MDGA2: variants seen among roughly 807,000 people sequenced by gnomAD.
The protein encoded by MDGA2 is MAM domain-containing glycosylphosphatidylinositol anchor protein 2.
MDGA2 carries 40 observed loss-of-function variants against 117.8 expected under a neutral mutation model. The ratio of observed to expected loss-of-function variants is 0.34; its 90% CI spans 0.26 to 0.44. MDGA2 has a LOEUF of 0.44. MDGA2 is among the 20% of genes least tolerant of loss of function. The pLI, the probability that MDGA2 is intolerant of heterozygous loss-of-function variation, is 1.00. For missense variants in MDGA2, 1,123 were observed against 1,250.6 expected (o/e 0.90, Z 1.54); for synonymous variants, 452 against 439.0 (o/e 1.03, Z -0.37).
intron 1 of MDGA2, among the ~76,000 whole-genome samples, chr14:47,498,445 C>G (rs1238705596): frequency 6.6e-6 from 1 of 151,966 alleles, no homozygotes; most frequent in East Asian, 1.9e-4. Context: ...CATAGAAGAT[C>G]TTGATTTTTG....
At chr14:47,156,945 G>A (rs1295388715) in intron 3 of MDGA2, among the ~76,000 whole-genome samples, 3 of 152,064 alleles carry the variant, frequency 2.0e-5, no homozygotes, top group Admixed American at 1.3e-4. Flanking sequence ...AATAGATAAC[G>A]CTAATTATAT....
intron 1 of MDGA2, among the ~76,000 whole-genome samples, chr14:47,345,737 AC>A (rs1220959596): frequency 6.6e-6 from 1 of 152,160 alleles, no homozygotes; most frequent in Non-Finnish European, 1.5e-5. Flanking sequence ...AAATTAGCTA[AC>A]TGAAATACTA....
rs949921764 is a variant in MDGA2 at position 47,199,280 on chromosome 14, T to A, written c.595+18741A>T. ...TTTTTTAAATAAAGACACATAAAAC[T>A]TGATGTCTAGGTAACTTCCCATCTT... On this transcript the variant is annotated intron_variant, in intron 3 of 16. Transcript: ENST00000399232. Among the ~76,000 whole-genome samples the A allele has an allele frequency of 4.6e-4, 70 of 152,172 alleles. 2 individuals are homozygous for A. The highest frequency in any genetic ancestry group is 1.5e-5 in the Non-Finnish European group (1 of 68,020).
chr14:47,509,786 T>C (rs1030484138), intron 1 of MDGA2, among the ~76,000 whole-genome samples: 2 of 152,228 alleles, frequency 1.3e-5, no homozygotes, highest in African/African-American at 4.8e-5. Flanking sequence ...TATGACTGCC[T>C]CCAATGTTTG....
intron 1 of MDGA2, among the ~76,000 whole-genome samples, chr14:47,420,990 G>A (rs944189041): frequency 3.3e-5 from 5 of 152,014 alleles, no homozygotes. Context: ...CATAAAACCT[G>A]AGAAATATAG....
intron 3 of MDGA2, among the ~76,000 whole-genome samples, chr14:47,158,674 C>G (rs192502731): frequency 3.9e-5 from 6 of 152,114 alleles, no homozygotes; most frequent in Non-Finnish European, 7.3e-5. Context: ...AGGCTGGTCT[C>G]AAACTCCTCA....
intron 1 of MDGA2, among the ~76,000 whole-genome samples, chr14:47,610,747 C>T (rs1170543049): frequency 4.6e-5 from 7 of 151,730 alleles, no homozygotes; most frequent in South Asian, 2.1e-4. Flanking sequence ...TTGTGAAGGA[C>T]GGGGAGAATC....
rs143793245 is a variant in MDGA2 at position 47,449,081 on chromosome 14, T to C, written c.281-147531A>G. Among the ~76,000 whole-genome samples the C allele has an allele frequency of 7.9e-5, 12 of 152,284 alleles. No homozygotes were observed. In the East Asian group the frequency reaches 1.9e-3, roughly 25 times the overall value. ...TCTTAACTCCATTAGATTCTTCAAC[T>C]TTAAAATTAGATGAACAGCCAGGAC... On this transcript the variant is annotated intron_variant, in intron 1 of 16. Coordinates refer to ENST00000399232, the MANE Select transcript of MDGA2 (RefSeq NM_001113498.3).
At chr14:47,289,304 T>TACCCACACACACAC (rs1888795246) in intron 2 of MDGA2, among the ~76,000 whole-genome samples, 1 of 140,512 alleles carries the variant, frequency 7.1e-6, no homozygotes, top group African/African-American at 2.7e-5. Context: ...TTTCTGGACT[T>TACCCACACACACAC]ACACACACAC....
At chr14:47,329,098 A>G (rs112446999) in intron 1 of MDGA2, among the ~76,000 whole-genome samples, 5,487 of 152,186 alleles carry the variant, frequency 0.036, 343 homozygotes, top group African/African-American at 0.13. Context: ...AAATTCAAAT[A>G]TATACATATA....
At chr14:47,503,822 T>C (rs1288221548) in intron 1 of MDGA2, among the ~76,000 whole-genome samples, 1 of 152,224 alleles carries the variant, frequency 6.6e-6, no homozygotes, top group Non-Finnish European at 1.5e-5. Context: ...TTGAGTGGTA[T>C]TGATGTTCAA....
intron 7 of MDGA2, among the ~76,000 whole-genome samples, chr14:47,051,194 A>G (rs574982132): frequency 6.6e-6 from 1 of 151,898 alleles, no homozygotes; most frequent in Non-Finnish European, 1.5e-5. Flanking sequence ...TGAACACAGT[A>G]TATATGCTTC....
intron 5 of MDGA2, among the ~76,000 whole-genome samples, chr14:47,099,622 T>C (rs961009166): frequency 6.6e-6 from 1 of 151,882 alleles, no homozygotes; most frequent in African/African-American, 2.4e-5. Context: ...CATGATTGCA[T>C]TCTCTGAAGT....
At chr14:46,896,394 A>G (rs1158643106) in intron 10 of MDGA2, among the ~76,000 whole-genome samples, 1 of 152,164 alleles carries the variant, frequency 6.6e-6, no homozygotes. Flanking sequence ...TACACTTTGG[A>G]TTTAAAATGT....
At chr14:47,484,192 C>G (rs1037406666) in intron 1 of MDGA2, among the ~76,000 whole-genome samples, 2 of 151,712 alleles carry the variant, frequency 1.3e-5, no homozygotes, top group Non-Finnish European at 2.9e-5. Context: ...TAGCTTTATA[C>G]TATAAAGCCA....
intron 1 of MDGA2, among the ~76,000 whole-genome samples, chr14:47,489,351 C>T (rs1004900805): frequency 5.9e-5 from 9 of 152,020 alleles, no homozygotes; most frequent in Non-Finnish European, 1.2e-4. Context: ...TCATTTATTA[C>T]TAAATGAAAT....
intron 1 of MDGA2, among the ~76,000 whole-genome samples, chr14:47,307,690 G>GA (rs1566731612): frequency 1.5e-5 from 2 of 130,484 alleles, no homozygotes; most frequent in Non-Finnish European, 3.5e-5. Context: ...TCTGTGGGGG[G>GA]GAAAAAAAAA....
At chr14:46,872,582 T>C (rs970627074) in intron 14 of MDGA2, among the ~76,000 whole-genome samples, 1 of 151,942 alleles carries the variant, frequency 6.6e-6, no homozygotes, top group African/African-American at 2.4e-5. Context: ...TCTGGAATGG[T>C]CTCGAGTAGA....
intron 11 of MDGA2, among the ~76,000 whole-genome samples, chr14:46,877,851 A>G (rs969090371): frequency 3.9e-5 from 6 of 151,902 alleles, no homozygotes; most frequent in Non-Finnish European, 5.9e-5. Flanking sequence ...TGAGGCTGAA[A>G]CTAGGCCAAT....
Sources: allele counts gnomAD v4.1 joint callset (sites outside exome capture counted in the v4.1 genomes callset), GRCh38; gene constraint gnomAD v4.1.1; transcripts MANE v1.5; gene names NCBI Gene and HGNC (gene_info 2026-07-23, HGNC 2026-07-21).